The following COMMD1 variants were observed in gnomAD, a reference collection of about 807,000 sequenced individuals.
COMMD1 encodes the protein copper metabolism domain containing 1, also known as COMM domain-containing protein 1.
COMMD1 carries 10 observed loss-of-function variants against 17.2 expected under a neutral mutation model. The ratio of observed to expected loss-of-function variants is 0.58; its 90% CI spans 0.36 to 0.99. The LOEUF (loss-of-function observed/expected upper bound fraction) is 0.99, where lower values mean the gene tolerates loss of function less well. Among genes scored for constraint, COMMD1 ranks in the 50% least tolerant of loss-of-function variants. COMMD1 has a pLI of 0.01. For synonymous variants in COMMD1, 97 were observed against 91.6 expected, an observed-to-expected ratio of 1.06 and a Z score of -0.34; for missense variants, 270 against 231.8, an observed-to-expected ratio of 1.17 and a Z score of -1.07.
At chr2:62,075,867 C>A (rs145486681) in intron 2 of COMMD1, among the ~76,000 whole-genome samples, 1 of 152,314 alleles carries the variant, frequency 6.6e-6, no homozygotes, top group Non-Finnish European at 1.5e-5. Context: ...TATGTTGTCA[C>A]ATGGCAATAT....
intron 1 of COMMD1, among the ~76,000 whole-genome samples, chr2:61,928,991 A>AGGGAAGCTTT (rs1215578405): frequency 6.6e-6 from 1 of 152,256 alleles, no homozygotes; most frequent in Non-Finnish European, 1.5e-5. Context: ...GGGAAGGGTA[A>AGGGAAGCTTT]GGGAAGCTTT....
At chr2:61,934,498 A>C (rs1307324970) in intron 1 of COMMD1, among the ~76,000 whole-genome samples, 1 of 152,186 alleles carries the variant, frequency 6.6e-6, no homozygotes, top group Admixed American at 6.5e-5. Context: ...AGAGGCGAGA[A>C]GATCACCTGA....
At chr2:61,998,871 C>T (rs952894004) in intron 1 of COMMD1, among the ~76,000 whole-genome samples, 2 of 152,158 alleles carry the variant, frequency 1.3e-5, no homozygotes, top group African/African-American at 4.8e-5. Flanking sequence ...GTGGTTGGAG[C>T]AGTCAGAACA....
At chr2:62,054,138 G>C (rs539889610) in intron 2 of COMMD1, among the ~76,000 whole-genome samples, 1 of 152,012 alleles carries the variant, frequency 6.6e-6, no homozygotes, top group Non-Finnish European at 1.5e-5. Flanking sequence ...AATGCAAATC[G>C]AAACCACAAT....
intron 2 of COMMD1, among the ~76,000 whole-genome samples, chr2:62,013,100 C>T (rs1669333034): frequency 6.6e-6 from 1 of 152,086 alleles, no homozygotes; most frequent in Non-Finnish European, 1.5e-5. Context: ...TGCCTTGATT[C>T]ACCTATGGAG....
At chr2:62,043,938 C>T (rs1670305193) in intron 2 of COMMD1, among the ~76,000 whole-genome samples, 1 of 152,152 alleles carries the variant, frequency 6.6e-6, no homozygotes, top group Non-Finnish European at 1.5e-5. Flanking sequence ...CTCACTGTGG[C>T]ATTGAGGAAT....
chr2:61,966,668 C>G (rs949146408), intron 1 of COMMD1, among the ~76,000 whole-genome samples: 1 of 151,500 alleles, frequency 6.6e-6, no homozygotes, highest in Non-Finnish European at 1.5e-5. Flanking sequence ...ATTACACAGA[C>G]TTGTGAGAAA....
intron 1 of COMMD1, among the ~76,000 whole-genome samples, chr2:61,992,957 C>G (rs1672288854): frequency 6.6e-6 from 1 of 151,954 alleles, no homozygotes; most frequent in South Asian, 2.1e-4. Context: ...TTTGAAAACC[C>G]TCTGATTTAT....
At chr2:62,021,785 G>T (rs752201503) in intron 2 of COMMD1, among the ~76,000 whole-genome samples, 11 of 152,170 alleles carry the variant, frequency 7.2e-5, no homozygotes, top group African/African-American at 7.2e-5. Flanking sequence ...CCATGGAAAA[G>T]AATATTACAT....
chr2:62,025,855 AT>A (rs894816141), intron 2 of COMMD1, among the ~76,000 whole-genome samples: 16 of 149,414 alleles, frequency 1.1e-4, no homozygotes, highest in Non-Finnish European at 2.2e-4. Flanking sequence ...TGCCCGGCTA[AT>A]TTTTTTTTTA....
chr2:61,962,517 A>G (rs1183670134), intron 1 of COMMD1, among the ~76,000 whole-genome samples: 2 of 152,192 alleles, frequency 1.3e-5, no homozygotes, highest in East Asian at 1.9e-4. Context: ...GCTTTCACCC[A>G]TGCAGTATCA....
At chr2:61,983,681 G>A (rs911426474) in intron 1 of COMMD1, among the ~76,000 whole-genome samples, 27 of 152,136 alleles carry the variant, frequency 1.8e-4, no homozygotes, top group Admixed American at 1.0e-3. Context: ...GGTATCAGTT[G>A]TAATGTTTTC....
At chr2:61,903,576 A>G (rs1023346094), upstream of COMMD1, among the ~76,000 whole-genome samples, 2 of 148,740 alleles carry the variant, frequency 1.3e-5, no homozygotes, top group Non-Finnish European at 3.0e-5. Context: ...TTTTGAGATG[A>G]AGTTTTGCTC....
intron 2 of COMMD1, among the ~76,000 whole-genome samples, chr2:62,113,810 AG>A (rs972306858): frequency 7.9e-5 from 12 of 152,254 alleles, no homozygotes; most frequent in Non-Finnish European, 1.5e-4. Context: ...ACTAAAACTT[AG>A]GGCCTTTGCT....
At chr2:62,001,204 G>C (rs1668930200) in intron 2 of COMMD1, 1 of 539,194 alleles carries the variant, frequency 1.9e-6, no homozygotes, top group African/African-American at 1.9e-5. Context: ...CAGAAGAACA[G>C]AATGGGCCAA....
chr2:61,985,967 A>AT (rs1018924462), intron 1 of COMMD1, among the ~76,000 whole-genome samples: 8 of 152,052 alleles, frequency 5.3e-5, no homozygotes, highest in Non-Finnish European at 7.4e-5. Flanking sequence ...TTACCAGTGA[A>AT]TTTTTTACCT....
chr2:62,025,891 G>A (rs1385878567), intron 2 of COMMD1, among the ~76,000 whole-genome samples: 2 of 151,906 alleles, frequency 1.3e-5, no homozygotes, highest in East Asian at 3.9e-4. Context: ...GTGGGGTTTC[G>A]CCATGTTGGC....
At chr2:62,118,418 A>G (rs1023806149) in intron 2 of COMMD1, 1 of 152,208 alleles carries the variant, frequency 6.6e-6, no homozygotes, top group African/African-American at 2.4e-5. Context: ...GCAACCTCCT[A>G]TCTTCCTGTC....
chr2:61,957,022 A>G (rs1671215980), intron 1 of COMMD1, among the ~76,000 whole-genome samples: 1 of 151,790 alleles, frequency 6.6e-6, no homozygotes, highest in African/African-American at 2.4e-5. Flanking sequence ...AAGTGCTGGG[A>G]TTATAGGCGT....
Sources: allele counts gnomAD v4.1 joint callset (sites outside exome capture counted in the v4.1 genomes callset), GRCh38; gene constraint gnomAD v4.1.1; transcripts MANE v1.5; gene names NCBI Gene and HGNC (gene_info 2026-07-23, HGNC 2026-07-21).